LDB3: variants seen among roughly 807,000 people sequenced by gnomAD.
LDB3 encodes the protein LIM domain binding 3, also known as LIM domain-binding protein 3.
In LDB3, 49 loss-of-function variants were observed where a neutral mutation model predicts 69.0. The ratio of observed to expected loss-of-function variants is 0.71; its 90% CI spans 0.56 to 0.90. The LOEUF (loss-of-function observed/expected upper bound fraction) is 0.90, where lower values mean the gene tolerates loss of function less well. Ranked by LOEUF, LDB3 falls within the 40% of genes least tolerant of loss-of-function variation. LDB3 has a pLI of 0.00. For synonymous variants in LDB3, 387 were observed against 396.2 expected (o/e 0.98, Z 0.28); for missense variants, 928 against 974.1 (o/e 0.95, Z 0.63).
intron 2 of LDB3, among the ~76,000 whole-genome samples, chr10:86,678,052 T>C (rs1022904181): frequency 6.6e-6 from 1 of 152,144 alleles, no homozygotes; most frequent in Non-Finnish European, 1.5e-5. Context: ...TGTTTGTTTG[T>C]TTTTAGACAG....
chr10:86,733,619 T>C lies in LDB3; in HGVS notation c.*643T>C, dbSNP rs1013471375. On this transcript the variant is annotated 3_prime_UTR_variant, in exon 14 of 14. Transcript: ENST00000361373. The stretch of plus-strand genomic sequence containing the variant: ...GGAGCCACTGGGCAATTGCCAGGGC[T>C]CCAGGAAGGGCTCTGGCTCAGGTTG... 35 of 152,576 alleles carry C rather than the reference T, an allele frequency of 2.3e-4. No individual in the cohort carries two copies. The highest frequency in any genetic ancestry group is 7.5e-4 in the African/African-American group (31 of 41,448). The allele number at this position is 152,576 out of a possible 1,614,324, so 9.5% of individuals were successfully genotyped here. A position where few individuals can be genotyped will look rare whatever the true frequency, so the allele number is the denominator to read the frequency against.
chr10:86,673,628 G>C (rs1844609125), intron 2 of LDB3, among the ~76,000 whole-genome samples: 1 of 152,154 alleles, frequency 6.6e-6, no homozygotes, highest in Non-Finnish European at 1.5e-5. Flanking sequence ...AGATGGGAAG[G>C]CAGCAGAGCA....
intron 7 of LDB3, among the ~76,000 whole-genome samples, chr10:86,702,228 C>G (rs1435965201): frequency 6.6e-6 from 1 of 152,174 alleles, no homozygotes; most frequent in Non-Finnish European, 1.5e-5. Context: ...CAGTGGCAAC[C>G]ACCCCTTCAG....
upstream of LDB3, among the ~76,000 whole-genome samples, chr10:86,667,484 C>T (rs140495936): frequency 6.6e-6 from 1 of 152,324 alleles, no homozygotes; most frequent in African/African-American, 2.4e-5. Flanking sequence ...TGCTGAGGCC[C>T]CCATCCAGAA....
intron 7 of LDB3, among the ~76,000 whole-genome samples, chr10:86,704,109 G>A (rs770342961): frequency 2.0e-5 from 3 of 150,372 alleles, no homozygotes; most frequent in South Asian, 2.1e-4. Context: ...GCGGGACTCC[G>A]TCTCAATTTA....
intron 2 of LDB3, among the ~76,000 whole-genome samples, chr10:86,678,570 C>G (rs1844935661): frequency 2.6e-5 from 4 of 151,468 alleles, no homozygotes; most frequent in Admixed American, 2.6e-4. Context: ...GAACTCCTGA[C>G]CTTGTGATCC....
At chr10:86,673,813 G>A (rs545049411) in intron 2 of LDB3, among the ~76,000 whole-genome samples, 1 of 152,220 alleles carries the variant, frequency 6.6e-6, no homozygotes. Context: ...ACATCTAGAA[G>A]AGGAGGAAGG....
At chr10:86,731,808 C>T (rs1847467483) in intron 13 of LDB3, among the ~76,000 whole-genome samples, 2 of 150,876 alleles carry the variant, frequency 1.3e-5, no homozygotes, top group South Asian at 2.1e-4. Flanking sequence ...GGCCTTGTTC[C>T]TTTTTGGCAT....
intron 2 of LDB3, among the ~76,000 whole-genome samples, chr10:86,673,024 A>G (rs1218419085): frequency 6.6e-6 from 1 of 152,134 alleles, no homozygotes; most frequent in African/African-American, 2.4e-5. Context: ...CCCTGACTGC[A>G]AAGACCCTCC....
intron 5 of LDB3, 133 bp downstream of exon 5, chr10:86,681,936 G>A (rs569450089): frequency 2.1e-6 from 2 of 936,004 alleles, no homozygotes; most frequent in Admixed American, 2.4e-5. Flanking sequence ...CATGAGGTCA[G>A]CAGTGATCCT....
chr10:86,720,091 G>A (rs1847021656), intron 12 of LDB3, among the ~76,000 whole-genome samples: 1 of 152,228 alleles, frequency 6.6e-6, no homozygotes, highest in African/African-American at 2.4e-5. Flanking sequence ...AAAACATTCA[G>A]TTCCTCAAGG....
chr10:86,729,099 T>C (rs1387820741), intron 13 of LDB3, among the ~76,000 whole-genome samples: 1 of 152,202 alleles, frequency 6.6e-6, no homozygotes, highest in Non-Finnish European at 1.5e-5. Context: ...GATCTCAGGA[T>C]AGCACATTCT....
rs1393604121 is a variant in LDB3, at chr10:86,733,284, C to T, written c.*308C>T. The stretch of plus-strand genomic sequence containing the variant: ...AAAGCAACAAGCAGCTTTCCCAAAG[C>T]GATACACTTGCTTTGGTCACCAGAG... On this transcript the variant is annotated 3_prime_UTR_variant, in exon 14 of 14. Coordinates refer to ENST00000361373, the MANE Select transcript of LDB3 (RefSeq NM_007078.3). 3.8e-5 allele frequency: 14 copies of T among 373,058 alleles called. No homozygotes were observed. The East Asian group carries it at 6.6e-4, about 18-fold the overall frequency. The allele number at this position is 373,058 out of a possible 1,614,324, so 23.1% of individuals were successfully genotyped here. A position where few individuals can be genotyped will look rare whatever the true frequency, so the allele number is the denominator to read the frequency against.
At chr10:86,692,112 G>T (rs3740346) in intron 6 of LDB3, 47 bp downstream of exon 6, 1 of 1,606,050 alleles carries the variant, frequency 6.2e-7, no homozygotes, top group South Asian at 1.1e-5. Context: ...AGATGCTGAG[G>T]GGCCACCAGG....
intron 6 of LDB3, 83 bp from the exon 7 acceptor site, chr10:86,692,452 G>A: frequency 1.5e-6 from 2 of 1,375,932 alleles, no homozygotes; most frequent in Non-Finnish European, 2.1e-6. Context: ...CTGAATCCTG[G>A]GGACTCAGTG....
chr10:86,706,487 C>T (rs772067775), intron 7 of LDB3, 44 bp from the exon 8 acceptor site: 1 of 1,605,326 alleles, frequency 6.2e-7, no homozygotes, highest in Non-Finnish European at 8.5e-7. Flanking sequence ...CACAGGGTCT[C>T]TAGGCTCCCT....
chr10:86,724,064 A>G (rs964009457), intron 12 of LDB3, among the ~76,000 whole-genome samples: 3 of 152,120 alleles, frequency 2.0e-5, no homozygotes, highest in Non-Finnish European at 2.9e-5. Context: ...TAATCCCAGC[A>G]CTTTGGGAGG....
intron 8 of LDB3, among the ~76,000 whole-genome samples, chr10:86,709,616 A>C (rs949891424): frequency 6.6e-6 from 1 of 152,188 alleles, no homozygotes; most frequent in Admixed American, 6.5e-5. Flanking sequence ...GCTCTTCCAC[A>C]GTCCCACCTG....
intron 5 of LDB3, among the ~76,000 whole-genome samples, chr10:86,683,127 G>C (rs1458643599): frequency 6.6e-6 from 1 of 152,208 alleles, no homozygotes; most frequent in Non-Finnish European, 1.5e-5. Context: ...TGGGCTGGTA[G>C]GTCTTCCCGG....
Sources: gnomAD v4.1 joint callset for allele counts (sites outside exome capture counted in the v4.1 genomes callset) on GRCh38, gnomAD v4.1.1 for gene constraint, MANE v1.5 for transcripts, NCBI Gene and HGNC (gene_info 2026-07-23, HGNC 2026-07-21) for gene names.